Variants in ZNF33B observed in about 807,000 individuals in gnomAD.
The protein encoded by ZNF33B is zinc finger protein 33B, also known as zinc finger protein 11b (KOX 2).
A neutral mutation model predicts 45.8 loss-of-function variants in ZNF33B; 29 were observed. That is an observed-to-expected ratio of 0.63 (90% CI 0.47 to 0.86). The LOEUF is 0.86. Among genes scored for constraint, ZNF33B ranks in the 40% least tolerant of loss-of-function variants. The probability of loss-of-function intolerance (pLI) is 0.00; values close to 1 mark genes in which losing one functional copy is unlikely to be tolerated. For missense variants in ZNF33B, 831 were observed against 909.9 expected, an observed-to-expected ratio of 0.91 and a Z score of 1.12; for synonymous variants, 305 against 307.8, an observed-to-expected ratio of 0.99 and a Z score of 0.10.
chr10:42,632,844 A>G (rs757791441), intron 2 of ZNF33B: 9 of 207,984 alleles, frequency 4.3e-5, no homozygotes, highest in Non-Finnish European at 7.6e-5. Context: ...AGAACACTCT[A>G]TTACGTCCTT....
intron 4 of ZNF33B, among the ~76,000 whole-genome samples, chr10:42,600,038 T>C (rs1248506142): frequency 6.6e-6 from 1 of 152,110 alleles, no homozygotes; most frequent in African/African-American, 2.4e-5. Flanking sequence ...AAACCCCTTA[T>C]GGTGGGAGAA....
intron 4 of ZNF33B, among the ~76,000 whole-genome samples, chr10:42,599,114 T>G (rs209374): frequency 6.6e-6 from 1 of 152,050 alleles, no homozygotes; most frequent in Non-Finnish European, 1.5e-5. Context: ...AAACTGATAA[T>G]TTACAGGTAT....
intron 1 of ZNF33B, among the ~76,000 whole-genome samples, chr10:42,580,437 C>CA (rs900344833): frequency 2.0e-5 from 3 of 151,858 alleles, no homozygotes; most frequent in African/African-American, 7.2e-5. Context: ...GGGGTTTTGC[C>CA]ATGTTGGCCA....
At chr10:42,595,264 G>A (rs1366201865) in intron 4 of ZNF33B, among the ~76,000 whole-genome samples, 1 of 152,044 alleles carries the variant, frequency 6.6e-6, no homozygotes, top group African/African-American at 2.4e-5. Context: ...TCCCAGAAAG[G>A]GAAAGTTTTA....
intron 2 of ZNF33B, among the ~76,000 whole-genome samples, chr10:42,633,482 T>C (rs1210270047): frequency 1.3e-5 from 2 of 152,092 alleles, no homozygotes; most frequent in Admixed American, 6.5e-5. Context: ...GAAACCAGGA[T>C]GCAAATAGGG....
chr10:42,621,139 T>C (rs1176416935), intron 4 of ZNF33B, among the ~76,000 whole-genome samples: 7 of 136,338 alleles, frequency 5.1e-5, no homozygotes, highest in African/African-American at 8.4e-5. Flanking sequence ...ATGAGCAACA[T>C]AGTGAGACCC....
chr10:42,597,193 T>C (rs568617996), intron 4 of ZNF33B, among the ~76,000 whole-genome samples: 23 of 152,210 alleles, frequency 1.5e-4, no homozygotes, highest in Admixed American at 5.9e-4. Flanking sequence ...TTCTCTTTTT[T>C]TCATTTTAAT....
At chr10:42,619,620 C>A (rs1446076023) in intron 4 of ZNF33B, among the ~76,000 whole-genome samples, 1 of 152,154 alleles carries the variant, frequency 6.6e-6, no homozygotes, top group African/African-American at 2.4e-5. Context: ...TTTGTAACTC[C>A]ATTTTTTTAC....
chr10:42,612,835 ATTTAT>A (rs142402442), intron 4 of ZNF33B, among the ~76,000 whole-genome samples: 2,548 of 152,294 alleles, frequency 0.017, 77 homozygotes, highest in African/African-American at 0.058. Context: ...GAGTCTGATA[ATTTAT>A]TTTCTTTCTT....
chr10:42,592,676 G>A lies in ZNF33B; in HGVS notation c.2274C>T (p.Phe758=). ...PYECNTCRKT[F]SQKSNLIVHQ... ...GTACAATGAGATTTGACTTTTGAGA[G>A]AAGGTTTTCCTGCATGTGTTACATT... Residue 758 remains phenylalanine, a synonymous_variant, in exon 5 of 5, where the codon TTC becomes TTT. Transcript: ENST00000359467. 6.2e-7 allele frequency: 1 copy of A among 1,614,034 alleles called. No individual in the cohort carries two copies. Among genetic ancestry groups the A allele is most frequent in the South Asian group, 1.1e-5 (1 of 91,078 alleles).
chr10:42,578,700 C>T (rs746667947), intron 1 of ZNF33B: 1 of 152,332 alleles, frequency 6.6e-6, no homozygotes, highest in Non-Finnish European at 1.5e-5. Context: ...TCCTTAACCA[C>T]CTCTAACATC....
intron 4 of ZNF33B, among the ~76,000 whole-genome samples, chr10:42,595,697 T>A (rs2132046578): frequency 6.6e-6 from 1 of 152,098 alleles, no homozygotes; most frequent in South Asian, 2.1e-4. Context: ...ACTCTCTTTC[T>A]CCCCCTGCCC....
intron 4 of ZNF33B, among the ~76,000 whole-genome samples, chr10:42,608,293 C>T (rs1202778968): frequency 2.0e-5 from 3 of 152,130 alleles, no homozygotes; most frequent in South Asian, 2.1e-4. Context: ...ATGGTTAGGA[C>T]AACTGGGCAC....
In ZNF33B at chr10:42,629,304, G is replaced by A. The variant is rs117926535; in HGVS notation, c.250+2625C>T. On this transcript the variant is annotated intron_variant, in intron 4 of 4. Coordinates refer to ENST00000359467, the MANE Select transcript of ZNF33B (RefSeq NM_006955.3). ...AACTAGAGGCTGGGAAAGGTGGTGG[G>A]GTGGGGTTGGGGGAAGGTGAGGATG... Among the ~76,000 whole-genome samples the A allele has an allele frequency of 7.3e-3, 1,105 of 152,230 alleles. 33 individuals carry two copies. The East Asian group carries it at 0.085, about 12-fold the overall frequency.
At chr10:42,604,119 A>G (rs1006938715) in intron 4 of ZNF33B, among the ~76,000 whole-genome samples, 3 of 152,228 alleles carry the variant, frequency 2.0e-5, no homozygotes, top group Non-Finnish European at 4.4e-5. Flanking sequence ...AGATCCAGAT[A>G]TCAGACTTAG....
intron 4 of ZNF33B, among the ~76,000 whole-genome samples, chr10:42,610,412 C>A (rs1266383009): frequency 6.6e-6 from 1 of 152,148 alleles, no homozygotes; most frequent in Non-Finnish European, 1.5e-5. Context: ...ATGGCATGTG[C>A]CTGTAGTCCT....
At chr10:42,577,705 G>A (rs1412772446) in intron 1 of ZNF33B, among the ~76,000 whole-genome samples, 4 of 152,182 alleles carry the variant, frequency 2.6e-5, no homozygotes, top group African/African-American at 7.2e-5. Flanking sequence ...GCAACCAAGT[G>A]GGGAGAGAGA....
chr10:42,624,399 CTTGA>C (rs1260676160), intron 4 of ZNF33B, among the ~76,000 whole-genome samples: 6 of 148,650 alleles, frequency 4.0e-5, no homozygotes, highest in East Asian at 1.9e-4. Context: ...ATCCTGTCCT[CTTGA>C]TTATTATAGC....
chr10:42,623,318 A>G (rs115792165), intron 4 of ZNF33B, among the ~76,000 whole-genome samples: 2,588 of 152,336 alleles, frequency 0.017, 79 homozygotes, highest in African/African-American at 0.059. Flanking sequence ...GTGGTACCCC[A>G]AAAAGCTAAA....
Sources: allele counts gnomAD v4.1 joint callset (sites outside exome capture counted in the v4.1 genomes callset), GRCh38; gene constraint gnomAD v4.1.1; transcripts MANE v1.5; gene names NCBI Gene and HGNC (gene_info 2026-07-23, HGNC 2026-07-21).